Variants in FOXN3 observed in about 807,000 individuals in gnomAD.
FOXN3 encodes forkhead box protein N3.
FOXN3 carries 7 observed loss-of-function variants against 38.4 expected under a neutral mutation model. The ratio of observed to expected loss-of-function variants is 0.18; its 90% CI spans 0.10 to 0.34. The LOEUF is 0.34. FOXN3 is among the 10% of genes least tolerant of loss of function. FOXN3 has a pLI of 1.00. For missense variants in FOXN3, 456 were observed against 613.4 expected, an observed-to-expected ratio of 0.74 and a Z score of 2.71; for synonymous variants, 230 against 242.2, an observed-to-expected ratio of 0.95 and a Z score of 0.47.
chr14:89,260,685 GA>G (rs1885770678), intron 4 of FOXN3, among the ~76,000 whole-genome samples: 1 of 152,230 alleles, frequency 6.6e-6, no homozygotes, highest in Admixed American at 6.5e-5. Context: ...TAGGCTCAAA[GA>G]GGGGCCCAAC....
intron 4 of FOXN3, among the ~76,000 whole-genome samples, chr14:89,261,333 C>T (rs1192836483): frequency 2.0e-5 from 3 of 152,108 alleles, no homozygotes; most frequent in South Asian, 2.1e-4. Flanking sequence ...CACTGAGACC[C>T]GGAAAGACAC....
At chr14:89,477,286 C>T (rs1332417526) in intron 1 of FOXN3, among the ~76,000 whole-genome samples, 3 of 152,100 alleles carry the variant, frequency 2.0e-5, no homozygotes, top group African/African-American at 4.8e-5. Flanking sequence ...ACTGGATCCC[C>T]GATCTGAGGA....
chr14:89,389,759 C>A (rs79443082), intron 2 of FOXN3, among the ~76,000 whole-genome samples: 1 of 152,148 alleles, frequency 6.6e-6, no homozygotes, highest in East Asian at 1.9e-4. Context: ...CATCAATATA[C>A]GATCTTAGCA....
rs1273652289 is a variant in FOXN3 at position 89,452,136 on chromosome 14, G to T, written c.-14-39646C>A. ...ATACCAGGGTCATGCCCTACAACAGGCTGGGGGGAAAGCAGGGACCCTGTG... is the reference window on the plus strand; with the variant it reads ...ATACCAGGGTCATGCCCTACAACAGTCTGGGGGGAAAGCAGGGACCCTGTG... On this transcript the variant is annotated intron_variant, in intron 1 of 6. Coordinates refer to the FOXN3 transcript ENST00000345097. Among the ~76,000 whole-genome samples the T allele has an allele frequency of 2.0e-5, 3 of 152,126 alleles. No individual in the cohort carries two copies. The East Asian group carries it at 5.8e-4, about 29-fold the overall frequency.
chr14:89,478,719 G>A (rs1006161316), intron 1 of FOXN3, among the ~76,000 whole-genome samples: 16 of 151,888 alleles, frequency 1.1e-4, no homozygotes, highest in African/African-American at 3.6e-4. Context: ...ATCACTTGAG[G>A]TCAGGAGTTT....
At chr14:89,302,428 G>A (rs1255779017) in intron 3 of FOXN3, among the ~76,000 whole-genome samples, 1 of 152,086 alleles carries the variant, frequency 6.6e-6, no homozygotes, top group Non-Finnish European at 1.5e-5. Context: ...GTTTTGCTTT[G>A]TTTTACTTTG....
chr14:89,216,457 G>A (rs771868030), intron 4 of FOXN3, among the ~76,000 whole-genome samples: 4 of 152,036 alleles, frequency 2.6e-5, no homozygotes, highest in Non-Finnish European at 4.4e-5. Context: ...ACCTAACCCG[G>A]GTGCCCAACA....
chr14:89,293,687 T>C (rs1022838654), intron 3 of FOXN3, among the ~76,000 whole-genome samples: 1 of 152,052 alleles, frequency 6.6e-6, no homozygotes, highest in Non-Finnish European at 1.5e-5. Context: ...TATGGGCACA[T>C]TGGAAGTAAG....
chr14:89,421,317 T>C (rs142823466), upstream of FOXN3, among the ~76,000 whole-genome samples: 434 of 150,222 alleles, frequency 2.9e-3, 3 homozygotes, highest in African/African-American at 0.01. Flanking sequence ...ACCTGGCTAA[T>C]TTTGTATTTT....
chr14:89,396,235 T>A (rs144050145), intron 2 of FOXN3, among the ~76,000 whole-genome samples: 96 of 152,294 alleles, frequency 6.3e-4, no homozygotes, highest in African/African-American at 2.3e-3. Flanking sequence ...CAAACTAAGA[T>A]GTAGGAAGGA....
chr14:89,161,024 T>C lies in FOXN3; in HGVS notation c.*1390A>G, dbSNP rs1380407595. The C allele has an allele frequency of 1.3e-5, 2 of 152,238 alleles. No homozygotes were observed. Among genetic ancestry groups the C allele is most frequent in the Non-Finnish European group, 2.9e-5 (2 of 68,030 alleles). 9.4% of individuals were successfully genotyped at this position (152,238 alleles called of 1,614,324 possible). On this transcript the variant is annotated 3_prime_UTR_variant, in exon 6 of 6. Transcript: ENST00000557258. ...TTACAGGCATAGCCTTTTCTCTATT[T>C]TCTATATTTATATGAAAATAATTCA...
rs367734349 is a variant in FOXN3 at position 89,268,563 on chromosome 14, G to A, written c.745+12387C>T. Among the ~76,000 whole-genome samples, 24 of 152,324 alleles carry A rather than the reference G, an allele frequency of 1.6e-4. 1 individual carries two copies. In the East Asian group the frequency reaches 3.1e-3, roughly 20 times the overall value. On this transcript the variant is annotated intron_variant, in intron 4 of 5. Coordinates refer to ENST00000557258, the MANE Select transcript of FOXN3 (RefSeq NM_005197.4). ...ATGAGCCCATCAAATCCAGCCACAG[G>A]TAGGGCAAGGAGAGAGTGGCCCCTG...
At chr14:89,413,963 G>A in intron 1 of FOXN3, among the ~76,000 whole-genome samples, 1 of 129,642 alleles carries the variant, frequency 7.7e-6, no homozygotes, top group Non-Finnish European at 1.6e-5. Context: ...GAGGAGGAGG[G>A]ATGGAGGAGG....
chr14:89,528,131 T>C (rs948628749), intron 1 of FOXN3, among the ~76,000 whole-genome samples: 10 of 152,138 alleles, frequency 6.6e-5, no homozygotes, highest in African/African-American at 2.4e-4. Flanking sequence ...TGAACATATA[T>C]CTACTATATG....
At chr14:89,348,665 T>C (rs1322322796) in intron 3 of FOXN3, among the ~76,000 whole-genome samples, 2 of 151,756 alleles carry the variant, frequency 1.3e-5, no homozygotes, top group African/African-American at 2.4e-5. Flanking sequence ...TGGTTTTTTT[T>C]CCCCCCTCAG....
At chr14:89,190,160 T>C (rs1887906533) in intron 4 of FOXN3, among the ~76,000 whole-genome samples, 1 of 152,370 alleles carries the variant, frequency 6.6e-6, no homozygotes, top group South Asian at 2.1e-4. Flanking sequence ...TGAAATTATA[T>C]AAGAACTTTC....
rs77915176 is a variant in FOXN3 at position 89,436,289 on chromosome 14, T to TAAAAAAA, written c.-14-23806_-14-23800dup. Among the ~76,000 whole-genome samples the TAAAAAAA allele has an allele frequency of 8.9e-5, 12 of 134,832 alleles. 1 individual carries two copies. The highest frequency in any genetic ancestry group is 4.2e-4 in the East Asian group (2 of 4,708). The allele number at this position is 134,832 out of a possible 152,430, so 88.5% of individuals were successfully genotyped here. On this transcript the variant is annotated intron_variant, in intron 1 of 6. Coordinates refer to the FOXN3 transcript ENST00000345097. Reference sequence around the variant, plus strand: ...GGCCAGAAAAGGTTTGTTTATTCATTAAAAAAAAAAAAAAAAGTTAATTTA... The same window carrying TAAAAAAA: ...GGCCAGAAAAGGTTTGTTTATTCATTAAAAAAAAAAAAAAAAAAAAAAAGTTAATTTA...
chr14:89,560,583 A>G (rs990210821), intron 1 of FOXN3, among the ~76,000 whole-genome samples: 1 of 152,248 alleles, frequency 6.6e-6, no homozygotes, highest in Non-Finnish European at 1.5e-5. Context: ...TTGACTCCAC[A>G]GCCAGTTTAC....
At chr14:89,589,410 G>A (rs1160748590) in intron 1 of FOXN3, among the ~76,000 whole-genome samples, 1 of 152,104 alleles carries the variant, frequency 6.6e-6, no homozygotes. Context: ...GTCTCATTTT[G>A]AAAAATCTCA....
Sources: allele counts gnomAD v4.1 joint callset (sites outside exome capture counted in the v4.1 genomes callset), GRCh38; gene constraint gnomAD v4.1.1; transcripts MANE v1.5; gene names NCBI Gene and HGNC (gene_info 2026-07-23, HGNC 2026-07-21).